The following UBE2E2 variants were observed in gnomAD, a reference collection of about 807,000 sequenced individuals.
The protein encoded by UBE2E2 is ubiquitin conjugating enzyme E2 E2.
A neutral mutation model predicts 24.7 loss-of-function variants in UBE2E2; 6 were observed. The observed-to-expected ratio is 0.24, with a 90% CI of 0.13 to 0.48. UBE2E2 has a LOEUF of 0.48. Among genes scored for constraint, UBE2E2 ranks in the 20% least tolerant of loss-of-function variants. The probability of loss-of-function intolerance (pLI) is 0.99; values close to 1 mark genes in which losing one functional copy is unlikely to be tolerated. For missense variants in UBE2E2, 169 were observed against 245.0 expected (o/e 0.69, Z 2.07); for synonymous variants, 104 against 83.6 (o/e 1.24, Z -1.33).
At chr3:23,274,078 T>A (rs563127249) in intron 3 of UBE2E2, among the ~76,000 whole-genome samples, 1 of 152,310 alleles carries the variant, frequency 6.6e-6, no homozygotes, top group Admixed American at 6.5e-5. Flanking sequence ...GACTGTTGAT[T>A]AAAAAATTAT....
intron 3 of UBE2E2, among the ~76,000 whole-genome samples, chr3:23,419,884 C>G (rs61264520): frequency 6.6e-6 from 1 of 152,034 alleles, no homozygotes; most frequent in Admixed American, 6.6e-5. Flanking sequence ...CTCTCTTGCT[C>G]AGGTCTGCAG....
chr3:23,376,231 G>A (rs950658746), intron 3 of UBE2E2, among the ~76,000 whole-genome samples: 1 of 152,162 alleles, frequency 6.6e-6, no homozygotes, highest in African/African-American at 2.4e-5. Context: ...TAAAATACAA[G>A]ATAGATTGTG....
intron 3 of UBE2E2, among the ~76,000 whole-genome samples, chr3:23,348,818 A>C (rs1388530093): frequency 3.7e-5 from 4 of 107,064 alleles, no homozygotes. Flanking sequence ...ATGGCCTGCA[A>C]AACCCACAGA....
At chr3:23,580,381 A>G (rs1575721873) in intron 5 of UBE2E2, among the ~76,000 whole-genome samples, 1 of 152,350 alleles carries the variant, frequency 6.6e-6, no homozygotes, top group Non-Finnish European at 1.5e-5. Flanking sequence ...AGCCATCCAC[A>G]TTAAGGCAAG....
rs1047260037 is a variant in UBE2E2 at position 23,474,761 on chromosome 3, G to A, written c.228-24847G>A. ...CCTTTCCTCCTTCCTTCCTGTCACA[G>A]CAGAAAAGGTGTCAGTGCTTCTGTC... is the stretch of plus-strand genomic sequence containing the variant. On this transcript the variant is annotated intron_variant, in intron 3 of 5. Coordinates refer to ENST00000396703, the MANE Select transcript of UBE2E2 (RefSeq NM_152653.4). The surrounding 1 kb of genome is among the most constrained non-coding windows in gnomAD (Gnocchi z 4.0). Among the ~76,000 whole-genome samples the A allele has an allele frequency of 1.1e-4, 17 of 151,914 alleles. No individual in the cohort carries two copies. Among genetic ancestry groups the A allele is most frequent in the African/African-American group, 3.4e-4 (14 of 41,244 alleles).
At chr3:23,585,066 T>C (rs2125521321) in intron 5 of UBE2E2, among the ~76,000 whole-genome samples, 1 of 152,284 alleles carries the variant, frequency 6.6e-6, no homozygotes, top group South Asian at 2.1e-4. Context: ...TTATGACTGG[T>C]ATTTTGTTAA....
intron 3 of UBE2E2, among the ~76,000 whole-genome samples, chr3:23,219,311 TATCA>T (rs1696562577): frequency 6.6e-6 from 1 of 152,200 alleles, no homozygotes; most frequent in African/African-American, 2.4e-5. Context: ...AATCAACACT[TATCA>T]GTGTGCTTGT....
chr3:23,386,818 A>G (rs1043571688), intron 3 of UBE2E2, among the ~76,000 whole-genome samples: 1 of 152,240 alleles, frequency 6.6e-6, no homozygotes, highest in Non-Finnish European at 1.5e-5. Context: ...CTGTCAATAC[A>G]TATGGCTTAT....
chr3:23,375,761 G>A (rs569832152), intron 3 of UBE2E2, among the ~76,000 whole-genome samples: 1 of 152,248 alleles, frequency 6.6e-6, no homozygotes, highest in Admixed American at 6.5e-5. Context: ...TCTTGAATAT[G>A]CTCTAGACAC....
chr3:23,503,470 G>C (rs1413107222), intron 4 of UBE2E2, among the ~76,000 whole-genome samples: 1 of 151,856 alleles, frequency 6.6e-6, no homozygotes, highest in South Asian at 2.1e-4. Flanking sequence ...GATTACAACC[G>C]TGAGCCACCA....
intron 3 of UBE2E2, among the ~76,000 whole-genome samples, chr3:23,445,963 A>T (rs988359115): frequency 2.0e-5 from 3 of 152,074 alleles, no homozygotes; most frequent in South Asian, 4.2e-4. Context: ...CAGCATTTTT[A>T]TCCGTCAATG....
chr3:23,204,579 A>T, intron 1 of UBE2E2: 1 of 533,452 alleles, frequency 1.9e-6, no homozygotes, highest in Non-Finnish European at 2.4e-6. Flanking sequence ...ATTTGCCTTT[A>T]CTACGGCAAT....
intron 3 of UBE2E2, among the ~76,000 whole-genome samples, chr3:23,388,088 C>G (rs1696846073): frequency 6.6e-6 from 1 of 152,160 alleles, no homozygotes; most frequent in Non-Finnish European, 1.5e-5. Flanking sequence ...CCTGATAATT[C>G]TCAGCTACCT....
chr3:23,532,066 AAAAAAAAAAAG>A (rs1276537788), intron 4 of UBE2E2, among the ~76,000 whole-genome samples: 3 of 151,752 alleles, frequency 2.0e-5, no homozygotes, highest in Non-Finnish European at 4.4e-5. Flanking sequence ...TATCTCAAAA[AAAAAAAAAAAG>A]AAAAAAAAAC....
intron 3 of UBE2E2, among the ~76,000 whole-genome samples, chr3:23,224,961 CT>C (rs770984995): frequency 4.3e-3 from 577 of 133,600 alleles, no homozygotes; most frequent in Non-Finnish European, 4.1e-3. Flanking sequence ...TGATGTTGTC[CT>C]TTTTTTTTTT....
rs570498136 is a variant in UBE2E2, at chr3:23,214,236, A to G, written c.177-3026A>G. ...GAGTTCAAATTTTATATAGAATTAT[A>G]TGACAGAAAATTATGATTTATCAGT... On this transcript the variant is annotated intron_variant, in intron 2 of 5. Coordinates refer to ENST00000396703, the MANE Select transcript of UBE2E2 (RefSeq NM_152653.4). Among the ~76,000 whole-genome samples the G allele has an allele frequency of 2.6e-5, 4 of 152,252 alleles. No homozygotes were observed. In the East Asian group the frequency reaches 5.8e-4, roughly 22 times the overall value.
At chr3:23,415,792 C>T (rs923201337) in intron 3 of UBE2E2, among the ~76,000 whole-genome samples, 3 of 151,982 alleles carry the variant, frequency 2.0e-5, no homozygotes, top group African/African-American at 4.8e-5. Flanking sequence ...ATGTGCAGAA[C>T]GTGCAGGTTT....
Position 23,571,280 on chromosome 3 carries a change from C to CTCTTTTTTTTTTTTTTTTT in UBE2E2, c.509-18453_509-18452insCTTTTTTTTTTTTTTTTTT, listed in dbSNP as rs1696217145. Among the ~76,000 whole-genome samples, 25 of 29,882 alleles carry CTCTTTTTTTTTTTTTTTTT rather than the reference C, an allele frequency of 8.4e-4. 5 individuals carry two copies. Among genetic ancestry groups the CTCTTTTTTTTTTTTTTTTT allele is most frequent in the African/African-American group, 2.4e-3 (23 of 9,720 alleles). 19.6% of individuals were successfully genotyped at this position (29,882 alleles called of 152,430 possible). A position where few individuals can be genotyped will look rare whatever the true frequency, so the allele number is the denominator to read the frequency against. On this transcript the variant is annotated intron_variant, in intron 5 of 5. Coordinates refer to ENST00000396703, the MANE Select transcript of UBE2E2 (RefSeq NM_152653.4). The stretch of plus-strand genomic sequence containing the variant: ...AGTCCCCTCACCTGTGTGCTCCTTT[C>CTCTTTTTTTTTTTTTTTTT]TTTTTTTTTTTTTTTTTTTTTTTTT...
At chr3:23,306,853 C>G (rs554551795) in intron 3 of UBE2E2, among the ~76,000 whole-genome samples, 3 of 152,184 alleles carry the variant, frequency 2.0e-5, no homozygotes, top group African/African-American at 7.2e-5. Context: ...ACAATCCAGA[C>G]AGACCTGTTA....
Sources: allele counts gnomAD v4.1 joint callset (sites outside exome capture counted in the v4.1 genomes callset), GRCh38; gene constraint gnomAD v4.1.1; non-coding constraint Gnocchi (gnomAD v3.1); transcripts MANE v1.5; gene names NCBI Gene and HGNC (gene_info 2026-07-23, HGNC 2026-07-21).